The following CYFIP2 variants were observed in gnomAD, a reference collection of about 807,000 sequenced individuals.
CYFIP2 encodes cytoplasmic FMR1-interacting protein 2.
A neutral mutation model predicts 158.7 loss-of-function variants in CYFIP2; 29 were observed. The ratio of observed to expected loss-of-function variants is 0.18; its 90% CI spans 0.14 to 0.25. The LOEUF (loss-of-function observed/expected upper bound fraction) is 0.25, where lower values mean the gene tolerates loss of function less well. Ranked by LOEUF, CYFIP2 falls within the 10% of genes least tolerant of loss-of-function variation. CYFIP2 has a pLI of 1.00. For missense variants in CYFIP2, 852 were observed against 1,639.5 expected, an observed-to-expected ratio of 0.52 and a Z score of 8.29; for synonymous variants, 585 against 617.6, an observed-to-expected ratio of 0.95 and a Z score of 0.78.
At position 157,383,282 on chromosome 5, in the gene CYFIP2, G is replaced by T; in HGVS notation, c.3130G>T (p.Val1044Phe). 1.2e-6 allele frequency: 2 copies of T among 1,613,810 alleles called. No homozygotes were observed. Among genetic ancestry groups the T allele is most frequent in the East Asian group, 2.2e-5 (1 of 44,884 alleles). ...TTTTGCAGAGGGGGAGCGCCTGGAG[G>T]TCCGGATGAAACGTCTGGAAGCCAA... is the stretch of plus-strand genomic sequence containing the variant. ...VYIKEGERLE[V>F]RMKRLEAKYA... The change falls in exon 28 of 31, where the codon GTC becomes TTC. Residue 1044 changes from valine (V) to phenylalanine (F), a missense_variant. Physicochemically the swap from Val to Phe is conservative, Grantham distance 50. Transcript: ENST00000620254.
intron 26 of CYFIP2, chr5:157,376,109 C>G (rs552048721): frequency 1.5e-5 from 2 of 130,598 alleles, no homozygotes; most frequent in Non-Finnish European, 1.6e-5. Flanking sequence ...GTTCAAAACC[C>G]TGCCCCTCCT....
intron 23 of CYFIP2, chr5:157,342,999 G>C: frequency 1.2e-6 from 2 of 1,614,214 alleles, no homozygotes; most frequent in Non-Finnish European, 1.7e-6. Context: ...ATTTCCACCA[G>C]GGGGAGCCCC....
At chr5:157,327,221 G>A (rs1382244367) in intron 18 of CYFIP2, among the ~76,000 whole-genome samples, 2 of 152,180 alleles carry the variant, frequency 1.3e-5, no homozygotes, top group African/African-American at 4.8e-5. Flanking sequence ...CCAAAGTTAT[G>A]TAAGCAAAGT....
At chr5:157,325,022 T>G (rs1760909624) in intron 16 of CYFIP2, 1 of 152,152 alleles carries the variant, frequency 6.6e-6, no homozygotes, top group African/African-American at 2.4e-5. Flanking sequence ...GTATTTTTAG[T>G]AGAGACGGGG....
At chr5:157,309,223 A>G (rs1581027849) in intron 9 of CYFIP2, among the ~76,000 whole-genome samples, 1 of 152,260 alleles carries the variant, frequency 6.6e-6, no homozygotes, top group South Asian at 2.1e-4. Flanking sequence ...TGAGAAGCAC[A>G]TAATAAATAC....
At chr5:157,368,896 TTTTTTG>T (rs1490294303) in intron 26 of CYFIP2, among the ~76,000 whole-genome samples, 2 of 109,408 alleles carry the variant, frequency 1.8e-5, no homozygotes, top group African/African-American at 3.9e-5. Flanking sequence ...GGTTTTTTGT[TTTTTTG>T]TTTTTTTTTT....
At chr5:157,300,022 A>G (rs1273532105) in intron 5 of CYFIP2, among the ~76,000 whole-genome samples, 3 of 152,220 alleles carry the variant, frequency 2.0e-5, no homozygotes, top group African/African-American at 7.2e-5. Context: ...TGCCTGGCAC[A>G]TAGTAGATGG....
chr5:157,350,783 T>C (rs2113307384), intron 23 of CYFIP2, among the ~76,000 whole-genome samples: 1 of 152,370 alleles, frequency 6.6e-6, no homozygotes, highest in Non-Finnish European at 1.5e-5. Flanking sequence ...TTCCATTTGT[T>C]TGTGTCATCT....
intron 26 of CYFIP2, among the ~76,000 whole-genome samples, chr5:157,369,196 C>T (rs1348967585): frequency 6.6e-6 from 1 of 152,174 alleles, no homozygotes; most frequent in Non-Finnish European, 1.5e-5. Flanking sequence ...CCGCGCCCGG[C>T]CATTCCCAAA....
At chr5:157,286,580 T>TATATATATA (rs1561691042) in intron 2 of CYFIP2, among the ~76,000 whole-genome samples, 1 of 139,976 alleles carries the variant, frequency 7.1e-6, no homozygotes, top group African/African-American at 2.8e-5. Context: ...ATATATATAT[T>TATATATATA]TAGCCTTTCA....
intron 3 of CYFIP2, 74 bp from the exon 4 acceptor site, chr5:157,294,709 G>A: frequency 8.0e-7 from 1 of 1,246,962 alleles, no homozygotes; most frequent in African/African-American, 1.5e-5. Flanking sequence ...CATAACTAGT[G>A]AGGATCTGGG....
intron 24 of CYFIP2, 114 bp from the exon 25 acceptor site, chr5:157,360,168 T>C: frequency 1.3e-6 from 1 of 787,438 alleles, no homozygotes; most frequent in Non-Finnish European, 2.0e-6. Flanking sequence ...TCAAAGGGAC[T>C]GTTCCCCGCC....
At chr5:157,372,296 G>A (rs1342784815) in intron 26 of CYFIP2, among the ~76,000 whole-genome samples, 2 of 152,152 alleles carry the variant, frequency 1.3e-5, no homozygotes, top group Admixed American at 6.5e-5. Flanking sequence ...TGCATGCTTA[G>A]GTATTTAAGG....
chr5:157,359,317 C>T (rs1326786047), intron 24 of CYFIP2, among the ~76,000 whole-genome samples, 169 bp downstream of exon 24: 1 of 152,198 alleles, frequency 6.6e-6, no homozygotes, highest in South Asian at 2.1e-4. Flanking sequence ...ATTGGTCTTA[C>T]CTATCATTCT....
chr5:157,277,907 G>A (rs1756691742), intron 1 of CYFIP2, among the ~76,000 whole-genome samples: 1 of 152,096 alleles, frequency 6.6e-6, no homozygotes, highest in Admixed American at 6.5e-5. Context: ...ATAGCCTATT[G>A]CTCCTGGGCT....
rs183153180 is a variant in CYFIP2, at chr5:157,274,783, C to T, written c.-24+8588C>T. Among the ~76,000 whole-genome samples the T allele has an allele frequency of 1.3e-3, 198 of 152,240 alleles. 1 individual carries two copies. The highest frequency in any genetic ancestry group is 4.3e-3 in the African/African-American group (180 of 41,528). Reference sequence around the variant, plus strand: ...CATCCTAGTGGGTGTGAAGTGGTATCGATTTGCATTTCCCTAATAACTAAG... The same window carrying T: ...CATCCTAGTGGGTGTGAAGTGGTATTGATTTGCATTTCCCTAATAACTAAG... On this transcript the variant is annotated intron_variant, in intron 1 of 30. Coordinates refer to ENST00000620254, the MANE Select transcript of CYFIP2 (RefSeq NM_001037333.3).
At chr5:157,342,350 T>C (rs1762331222) in intron 23 of CYFIP2, 1 of 152,928 alleles carries the variant, frequency 6.5e-6, no homozygotes, top group Non-Finnish European at 1.5e-5. Flanking sequence ...TAGAGAGCGG[T>C]GGTATGTGAT....
intron 18 of CYFIP2, among the ~76,000 whole-genome samples, chr5:157,326,681 G>C (rs906982365): frequency 6.6e-6 from 1 of 152,224 alleles, no homozygotes; most frequent in Admixed American, 6.5e-5. Flanking sequence ...TGAGCCGCCT[G>C]TAGAAGGCTT....
chr5:157,300,689 C>T (rs1758673356), intron 5 of CYFIP2, 26 bp from the exon 6 acceptor site: 18 of 1,530,774 alleles, frequency 1.2e-5, no homozygotes, highest in Non-Finnish European at 1.6e-5. Context: ...CACAGTGGAC[C>T]TTACTCACTG....
Sources: gnomAD v4.1 joint callset for allele counts (sites outside exome capture counted in the v4.1 genomes callset) on GRCh38, gnomAD v4.1.1 for gene constraint, MANE v1.5 for transcripts, NCBI Gene and HGNC (gene_info 2026-07-23, HGNC 2026-07-21) for gene names.